Variants in GLIS3 observed in about 807,000 individuals in gnomAD.
The protein encoded by GLIS3 is GLIS family zinc finger 3.
Under a neutral mutation model 78.6 loss-of-function variants are expected in GLIS3, and 53 were observed. That is an observed-to-expected ratio of 0.67 (90% CI 0.54 to 0.85). The LOEUF is 0.85. Ranked by LOEUF, GLIS3 falls within the 40% of genes least tolerant of loss-of-function variation. The pLI, the probability that GLIS3 is intolerant of heterozygous loss-of-function variation, is 0.00. For missense variants in GLIS3, 1,703 were observed against 1,231.1 expected, an observed-to-expected ratio of 1.38 and a Z score of -5.74; for synonymous variants, 684 against 509.9, an observed-to-expected ratio of 1.34 and a Z score of -4.60.
intron 3 of GLIS3, chr9:4,123,621 G>A (rs911321528): frequency 1.6e-5 from 6 of 376,246 alleles, no homozygotes; most frequent in Non-Finnish European, 2.3e-5. Context: ...GTTGAAAGAG[G>A]CTTTTATTAT....
the GLIS3 span, among the ~76,000 whole-genome samples, chr9:4,427,758 C>A: frequency 6.6e-6 from 1 of 151,740 alleles, no homozygotes; most frequent in African/African-American, 2.4e-5. Flanking sequence ...ACTCAGAAGG[C>A]TGAGGCACAA....
In GLIS3 at chr9:4,283,455, G is replaced by A. The variant is rs890338676; in HGVS notation, c.388+2583C>T. 2.7e-4 allele frequency among the ~76,000 whole-genome samples: 41 copies of A among 151,926 alleles called. 1 individual carries two copies. Among genetic ancestry groups the A allele is most frequent in the Non-Finnish European group, 1.5e-4 (10 of 67,952 alleles). On this transcript the variant is annotated intron_variant, in intron 2 of 10. Coordinates refer to ENST00000381971, the MANE Select transcript of GLIS3 (RefSeq NM_001042413.2). Reference sequence around the variant, plus strand: ...TCATTTTTGTATTTTTAGCAGAGGCGGCGTTTCACCATCTTGGCCAGGCTG... The same window carrying A: ...TCATTTTTGTATTTTTAGCAGAGGCAGCGTTTCACCATCTTGGCCAGGCTG...
At chr9:3,887,478 T>C (rs1207285269) in intron 7 of GLIS3, among the ~76,000 whole-genome samples, 1 of 152,002 alleles carries the variant, frequency 6.6e-6, no homozygotes, top group African/African-American at 2.4e-5. Context: ...GGAACAGAAA[T>C]AAATAAAGCA....
intron 2 of GLIS3, among the ~76,000 whole-genome samples, chr9:4,312,342 C>G (rs536120130): frequency 1.7e-3 from 262 of 152,170 alleles, no homozygotes; most frequent in Middle Eastern, 3.4e-3. Flanking sequence ...GTGGTGCACA[C>G]CTGTAATCCC....
chr9:4,109,418 G>A (rs965724083), intron 4 of GLIS3, among the ~76,000 whole-genome samples: 2 of 152,146 alleles, frequency 1.3e-5, no homozygotes, highest in African/African-American at 4.8e-5. Context: ...TTTAAAGTCT[G>A]CAACAGAAAA....
At chr9:4,020,278 G>A (rs1822774059) in intron 4 of GLIS3, among the ~76,000 whole-genome samples, 1 of 152,102 alleles carries the variant, frequency 6.6e-6, no homozygotes, top group South Asian at 2.1e-4. Context: ...GTAACTTAAG[G>A]GAAAGTTCTG....
At chr9:4,345,536 A>G (rs928838825) in intron 2 of GLIS3, among the ~76,000 whole-genome samples, 3 of 152,180 alleles carry the variant, frequency 2.0e-5, no homozygotes, top group African/African-American at 7.2e-5. Flanking sequence ...ATACTTATCA[A>G]ACCCCCAACT....
At chr9:4,424,028 G>A in the GLIS3 span, among the ~76,000 whole-genome samples, 10 of 152,182 alleles carry the variant, frequency 6.6e-5, no homozygotes, top group Admixed American at 2.0e-4. Context: ...AAAAGAATTG[G>A]TAAATGTTAG....
chr9:4,198,869 C>A (rs1024107611), intron 2 of GLIS3, among the ~76,000 whole-genome samples: 1 of 152,182 alleles, frequency 6.6e-6, no homozygotes, highest in African/African-American at 2.4e-5. Flanking sequence ...AACTTCTCAG[C>A]AGAAACCTTA....
the GLIS3 span, among the ~76,000 whole-genome samples, chr9:4,479,605 C>G: frequency 4.2e-5 from 5 of 117,858 alleles, no homozygotes; most frequent in South Asian, 2.9e-4. Context: ...AAGTCAGCAC[C>G]CCTGCCTCCA....
the GLIS3 span, among the ~76,000 whole-genome samples, chr9:4,389,346 G>A: frequency 2.0e-5 from 3 of 152,182 alleles, no homozygotes; most frequent in Non-Finnish European, 4.4e-5. Flanking sequence ...AGGAAGTACT[G>A]GATTTCCCTC....
chr9:4,407,656 G>C, the GLIS3 span, among the ~76,000 whole-genome samples: 1 of 151,892 alleles, frequency 6.6e-6, no homozygotes, highest in East Asian at 1.9e-4. Flanking sequence ...AAAACAAAAA[G>C]GAAAAAGAAA....
intron 2 of GLIS3, among the ~76,000 whole-genome samples, chr9:4,338,015 T>C (rs1030572817): frequency 4.1e-5 from 6 of 147,986 alleles, no homozygotes; most frequent in East Asian, 2.0e-4. Flanking sequence ...ACTGGTAAGA[T>C]TGGCAAGGCT....
chr9:4,045,018 A>T (rs1451154271), intron 4 of GLIS3, among the ~76,000 whole-genome samples: 1 of 152,200 alleles, frequency 6.6e-6, no homozygotes, highest in African/African-American at 2.4e-5. Context: ...AACAAGGCAG[A>T]GAACAGAGCA....
the GLIS3 span, among the ~76,000 whole-genome samples, chr9:4,474,367 C>G: frequency 2.0e-5 from 3 of 152,074 alleles, no homozygotes; most frequent in African/African-American, 7.2e-5. Context: ...AAAACAACAA[C>G]AAAAACCCTA....
chr9:4,292,422 T>A (rs1210184511), intron 1 of GLIS3, among the ~76,000 whole-genome samples: 2 of 152,074 alleles, frequency 1.3e-5, no homozygotes, highest in Non-Finnish European at 1.5e-5. Flanking sequence ...CAAAACAGTA[T>A]AAAAGTCACT....
intron 4 of GLIS3, among the ~76,000 whole-genome samples, chr9:4,018,592 G>A (rs938603788): frequency 1.8e-4 from 27 of 152,146 alleles, no homozygotes; most frequent in African/African-American, 6.5e-4. Flanking sequence ...TTCAAGAAGG[G>A]AAAAGCTGCG....
At chr9:4,355,515 G>A in the GLIS3 span, among the ~76,000 whole-genome samples, 4 of 152,104 alleles carry the variant, frequency 2.6e-5, no homozygotes, top group Non-Finnish European at 5.9e-5. Context: ...CTCAAAATCA[G>A]GTAAAGAATG....
At chr9:4,175,995 T>C (rs1816783990) in intron 2 of GLIS3, among the ~76,000 whole-genome samples, 1 of 152,160 alleles carries the variant, frequency 6.6e-6, no homozygotes, top group East Asian at 1.9e-4. Context: ...TATCTTTATG[T>C]TGATGAGTCC....
Sources: allele counts gnomAD v4.1 joint callset (sites outside exome capture counted in the v4.1 genomes callset), GRCh38; gene constraint gnomAD v4.1.1; transcripts MANE v1.5; gene names NCBI Gene and HGNC (gene_info 2026-07-23, HGNC 2026-07-21).